Variants in SOX5 observed in about 807,000 individuals in gnomAD.
SOX5 encodes the protein SRY-box transcription factor 5.
A neutral mutation model predicts 92.0 loss-of-function variants in SOX5; 9 were observed. The observed-to-expected ratio is 0.10, with a 90% CI of 0.06 to 0.17. The LOEUF (loss-of-function observed/expected upper bound fraction) is 0.17, where lower values mean the gene tolerates loss of function less well. Ranked by LOEUF, SOX5 falls within the 10% of genes least tolerant of loss-of-function variation. SOX5 has a pLI of 1.00. For synonymous variants in SOX5, 344 were observed against 336.3 expected (o/e 1.02, Z -0.25); for missense variants, 642 against 944.5 (o/e 0.68, Z 4.20).
intron 4 of SOX5, among the ~76,000 whole-genome samples, chr12:23,995,039 A>G (rs1300773594): frequency 6.6e-6 from 1 of 152,214 alleles, no homozygotes; most frequent in African/African-American, 2.4e-5. Context: ...TCTGCCAACT[A>G]TATTTTCTTC....
Position 24,333,808 on chromosome 12 carries a change from G to A in SOX5, c.-174+34755C>T, listed in dbSNP as rs996729008. ...TGCTATTCCAATAATAATCCCAATG[G>A]AGATTTTTGGATATTTTATAATGTG... is the stretch of plus-strand genomic sequence containing the variant. On this transcript the variant is annotated intron_variant, in intron 2 of 4. Transcript: ENST00000446891. Among the ~76,000 whole-genome samples, 3 of 149,914 alleles carry A rather than the reference G, an allele frequency of 2.0e-5. No homozygotes were observed. In the East Asian group the frequency reaches 5.9e-4, roughly 29 times the overall value.
chr12:23,564,745 CTT>C (rs970887568), intron 10 of SOX5, among the ~76,000 whole-genome samples: 1 of 152,208 alleles, frequency 6.6e-6, no homozygotes, highest in Non-Finnish European at 1.5e-5. Context: ...TATTAATACT[CTT>C]TGTCTCAATT....
intron 4 of SOX5, among the ~76,000 whole-genome samples, chr12:23,959,091 A>C (rs1423731490): frequency 6.6e-6 from 1 of 151,870 alleles, no homozygotes; most frequent in African/African-American, 2.4e-5. Context: ...AAAAATATCA[A>C]TTCTTCCTAA....
rs192269419 is a variant in SOX5 at position 24,397,846 on chromosome 12, A to T, written c.-250-29207T>A. Among the ~76,000 whole-genome samples the T allele has an allele frequency of 3.7e-4, 56 of 151,518 alleles. No homozygotes were observed. In the East Asian group the frequency reaches 6.4e-3, roughly 17 times the overall value. On this transcript the variant is annotated intron_variant, in intron 1 of 4. Coordinates refer to the SOX5 transcript ENST00000446891. Reference sequence around the variant, plus strand: ...AATATTATTGTTATTATTATTATTTAATTTATTTATTTATTTATTTTGAGA... The same window carrying T: ...AATATTATTGTTATTATTATTATTTTATTTATTTATTTATTTATTTTGAGA...
At chr12:24,314,442 C>G (rs936748418) in intron 2 of SOX5, among the ~76,000 whole-genome samples, 1 of 151,446 alleles carries the variant, frequency 6.6e-6, no homozygotes, top group African/African-American at 2.4e-5. Flanking sequence ...GTGCAGCACA[C>G]CAATATGGCA....
intron 2 of SOX5, among the ~76,000 whole-genome samples, chr12:24,284,089 A>G (rs913175128): frequency 6.6e-6 from 1 of 152,230 alleles, no homozygotes; most frequent in African/African-American, 2.4e-5. Flanking sequence ...AGATAGTCGC[A>G]TTGTCTGTCC....
At chr12:23,965,111 T>C (rs1015787475) in intron 4 of SOX5, among the ~76,000 whole-genome samples, 10 of 152,136 alleles carry the variant, frequency 6.6e-5, no homozygotes, top group Non-Finnish European at 1.3e-4. Context: ...GCCTTGACAT[T>C]CTCTATGCAC....
At chr12:24,241,254 T>C (rs1306333215) in intron 3 of SOX5, among the ~76,000 whole-genome samples, 1 of 152,190 alleles carries the variant, frequency 6.6e-6, no homozygotes, top group African/African-American at 2.4e-5. Flanking sequence ...TTAAGATGAA[T>C]CTAGATTTGG....
Position 23,578,610 on chromosome 12 carries a change from T to C in SOX5, c.1165-2772A>G, listed in dbSNP as rs528366851. On this transcript the variant is annotated intron_variant, in intron 9 of 14. Transcript: ENST00000451604. ...ATTGGGACATATCACATGCTAATAATGGAAACACTCATATGCATAATAAAT... is the reference window on the plus strand; with the variant it reads ...ATTGGGACATATCACATGCTAATAACGGAAACACTCATATGCATAATAAAT... 4.6e-5 allele frequency among the ~76,000 whole-genome samples: 7 copies of C among 152,298 alleles called. No individual in the cohort carries two copies. In the East Asian group the frequency reaches 1.2e-3, roughly 25 times the overall value.
At chr12:23,863,400 T>C (rs1447295884) in intron 2 of SOX5, among the ~76,000 whole-genome samples, 1 of 152,182 alleles carries the variant, frequency 6.6e-6, no homozygotes, top group Non-Finnish European at 1.5e-5. Flanking sequence ...AGGTAGGAAA[T>C]ATGATCAATG....
intron 3 of SOX5, among the ~76,000 whole-genome samples, chr12:24,254,777 T>G (rs1412961433): frequency 6.6e-6 from 1 of 151,776 alleles, no homozygotes; most frequent in Admixed American, 6.6e-5. Flanking sequence ...AAGACAGTGT[T>G]TAACATATTT....
At chr12:23,917,964 T>C (rs775612031) in intron 1 of SOX5, among the ~76,000 whole-genome samples, 1 of 152,156 alleles carries the variant, frequency 6.6e-6, no homozygotes, top group East Asian at 1.9e-4. Context: ...CTTCATGATA[T>C]GGTAACGAAT....
chr12:23,558,673 G>A (rs1263080516), intron 11 of SOX5, among the ~76,000 whole-genome samples: 1 of 152,206 alleles, frequency 6.6e-6, no homozygotes, highest in East Asian at 1.9e-4. Context: ...CGTGATCCTG[G>A]CTCACCGCAA....
chr12:23,661,152 C>T (rs770991034), intron 7 of SOX5, among the ~76,000 whole-genome samples: 8 of 152,234 alleles, frequency 5.3e-5, no homozygotes, highest in African/African-American at 1.2e-4. Context: ...ATTATTTTAT[C>T]GGATTTTGCC....
chr12:23,626,607 T>C (rs1300130006), intron 8 of SOX5, among the ~76,000 whole-genome samples: 1 of 151,090 alleles, frequency 6.6e-6, no homozygotes, highest in Non-Finnish European at 1.5e-5. Context: ...ATCAGGAAAG[T>C]CCACTCACAA....
At chr12:24,053,263 G>A (rs369709340) in intron 4 of SOX5, among the ~76,000 whole-genome samples, 5 of 151,490 alleles carry the variant, frequency 3.3e-5, no homozygotes, top group South Asian at 4.2e-4. Flanking sequence ...GAGTAGCTGG[G>A]ATTACAGGGG....
chr12:24,509,650 T>C (rs1949120986), intron 1 of SOX5, among the ~76,000 whole-genome samples: 1 of 152,190 alleles, frequency 6.6e-6, no homozygotes, highest in Non-Finnish European at 1.5e-5. Flanking sequence ...TCCTAAGCCA[T>C]GGGAAATTAG....
chr12:24,362,721 T>C (rs16927526), intron 2 of SOX5, among the ~76,000 whole-genome samples: 1,615 of 152,310 alleles, frequency 0.011, 28 homozygotes, highest in African/African-American at 0.036. Context: ...TGGTCAGTTA[T>C]AGGCGTGCTA....
At chr12:23,991,308 C>T (rs1247097143) in intron 4 of SOX5, among the ~76,000 whole-genome samples, 3 of 151,044 alleles carry the variant, frequency 2.0e-5, no homozygotes, top group African/African-American at 7.3e-5. Flanking sequence ...GCTGCAAGAC[C>T]TTGTCTCTTT....
Sources: gnomAD v4.1 joint callset for allele counts (sites outside exome capture counted in the v4.1 genomes callset) on GRCh38, gnomAD v4.1.1 for gene constraint, MANE v1.5 for transcripts, NCBI Gene and HGNC (gene_info 2026-07-23, HGNC 2026-07-21) for gene names.